Variants in PIK3CB observed in about 807,000 individuals in gnomAD.
PIK3CB encodes phosphatidylinositol-4,5-bisphosphate 3-kinase catalytic subunit beta.
PIK3CB carries 39 observed loss-of-function variants against 136.8 expected under a neutral mutation model. That is an observed-to-expected ratio of 0.29 (90% CI 0.22 to 0.37). The LOEUF is 0.37. Ranked by LOEUF, PIK3CB falls within the 10% of genes least tolerant of loss-of-function variation. The pLI, the probability that PIK3CB is intolerant of heterozygous loss-of-function variation, is 1.00. For synonymous variants in PIK3CB, 428 were observed against 436.6 expected, an observed-to-expected ratio of 0.98 and a Z score of 0.25; for missense variants, 868 against 1,275.4, an observed-to-expected ratio of 0.68 and a Z score of 4.87.
intron 22 of PIK3CB, among the ~76,000 whole-genome samples, chr3:138,656,856 T>C (rs1344200870): frequency 6.6e-6 from 1 of 152,134 alleles, no homozygotes; most frequent in Non-Finnish European, 1.5e-5. Context: ...CTGCAACTTC[T>C]GCCTCCCAGG....
chr3:138,674,205 G>C (rs913908548), intron 19 of PIK3CB, among the ~76,000 whole-genome samples: 1 of 151,764 alleles, frequency 6.6e-6, no homozygotes, highest in South Asian at 2.1e-4. Flanking sequence ...TGGATTCCCA[G>C]GTCTGTGTAC....
chr3:138,660,382 G>A (rs1433772823), intron 21 of PIK3CB, among the ~76,000 whole-genome samples: 1 of 152,154 alleles, frequency 6.6e-6, no homozygotes, highest in Non-Finnish European at 1.5e-5. Context: ...TTACTTTAAA[G>A]ATACAATATA....
In PIK3CB at chr3:138,776,612, C is replaced by A. The variant is rs75842193; in HGVS notation, c.-16-17253G>T. Among the ~76,000 whole-genome samples, 569 of 152,164 alleles carry A rather than the reference C, an allele frequency of 3.7e-3. 3 individuals are homozygous for A. Among genetic ancestry groups the A allele is most frequent in the African/African-American group, 0.012 (517 of 41,506 alleles). On this transcript the variant is annotated intron_variant, in intron 2 of 23. Transcript: ENST00000674063. ...TACTCAGGAAGCTGAGGGACGATCG[C>A]CTGAGCCTGGGAGGCAGACATTGCC...
chr3:138,744,516 G>T (rs1248137010), intron 4 of PIK3CB, among the ~76,000 whole-genome samples: 1 of 151,350 alleles, frequency 6.6e-6, no homozygotes, highest in East Asian at 1.9e-4. Flanking sequence ...CTGTCTCAGG[G>T]GTGGCAGACA....
At chr3:138,791,253 T>C (rs1192562127) in intron 2 of PIK3CB, among the ~76,000 whole-genome samples, 1 of 151,432 alleles carries the variant, frequency 6.6e-6, no homozygotes, top group African/African-American at 2.4e-5. Context: ...AGCAATCCTC[T>C]AGCCTCAGTC....
chr3:138,780,579 A>C (rs978300681), intron 2 of PIK3CB, among the ~76,000 whole-genome samples: 6 of 152,302 alleles, frequency 3.9e-5, no homozygotes, highest in Middle Eastern at 3.4e-3. Flanking sequence ...CTTAAACTAT[A>C]ATTAACTTAC....
intron 1 of PIK3CB, among the ~76,000 whole-genome samples, chr3:138,820,572 C>A (rs1056796009): frequency 6.6e-6 from 1 of 152,158 alleles, no homozygotes; most frequent in Non-Finnish European, 1.5e-5. Context: ...CAGCTCACTG[C>A]AACCACTGCC....
At chr3:138,669,586 G>A (rs895834976) in intron 19 of PIK3CB, among the ~76,000 whole-genome samples, 17 of 152,262 alleles carry the variant, frequency 1.1e-4, no homozygotes, top group African/African-American at 4.1e-4. Flanking sequence ...AGGTTTATAT[G>A]TAGCCAGCCT....
intron 2 of PIK3CB, among the ~76,000 whole-genome samples, chr3:138,768,463 G>A (rs185772284): frequency 6.6e-6 from 1 of 152,330 alleles, no homozygotes; most frequent in Non-Finnish European, 1.5e-5. Flanking sequence ...GTGCCAACTG[G>A]TCCACAGGCA....
intron 1 of PIK3CB, among the ~76,000 whole-genome samples, chr3:138,819,151 A>C (rs1933454325): frequency 1.3e-5 from 2 of 152,176 alleles, no homozygotes; most frequent in Admixed American, 1.3e-4. Flanking sequence ...GATCGAGACC[A>C]TCCTGGCTAA....
intron 2 of PIK3CB, among the ~76,000 whole-genome samples, chr3:138,776,922 CA>C (rs11435742): frequency 0.011 from 647 of 57,404 alleles, 2 homozygotes; most frequent in East Asian, 0.097. Context: ...GACTCTACCT[CA>C]AAAAAAAAAA....
intron 14 of PIK3CB, among the ~76,000 whole-genome samples, chr3:138,692,189 C>T (rs113489961): frequency 6.6e-6 from 1 of 152,078 alleles, no homozygotes; most frequent in East Asian, 1.9e-4. Context: ...GCCCAAGTGC[C>T]CCAAGTGCTC....
chr3:138,695,442 GACCAA>G (rs2044115873), intron 13 of PIK3CB, among the ~76,000 whole-genome samples: 1 of 151,962 alleles, frequency 6.6e-6, no homozygotes, highest in Non-Finnish European at 1.5e-5. Flanking sequence ...TTTATTCTCC[GACCAA>G]TTAAGCTTTG....
intron 19 of PIK3CB, among the ~76,000 whole-genome samples, chr3:138,673,360 T>C (rs571917947): frequency 5.2e-4 from 79 of 152,108 alleles, no homozygotes; most frequent in African/African-American, 1.9e-3. Context: ...CACGCACAGA[T>C]TGTACTGCAG....
intron 14 of PIK3CB, among the ~76,000 whole-genome samples, chr3:138,692,704 T>C (rs1360605434): frequency 6.6e-6 from 1 of 152,180 alleles, no homozygotes; most frequent in East Asian, 1.9e-4. Context: ...GCTTAAAACA[T>C]ACACGATTTT....
chr3:138,669,548 G>A (rs2043490639), intron 19 of PIK3CB, among the ~76,000 whole-genome samples: 1 of 152,028 alleles, frequency 6.6e-6, no homozygotes, highest in Non-Finnish European at 1.5e-5. Flanking sequence ...GGTGTGCAGA[G>A]GACTGGCAAA....
rs2108645402 is a variant in PIK3CB, at chr3:138,734,778, T to C, written c.828A>G (p.Arg276=). 1 of 1,612,922 alleles carries C rather than the reference T, an allele frequency of 6.2e-7. No homozygotes were observed. Among genetic ancestry groups the C allele is most frequent in the Non-Finnish European group, 8.5e-7 (1 of 1,179,408 alleles). ...CCACAAGTATAAAATGGGGCAGGGC[T>C]CTGTTCATCACACAGTTCCGGATAT... The part of the protein sequence containing the change: ...FQYIRNCVMN[R]ALPHFILVEC... The change falls in exon 7 of 24, where the codon AGA becomes AGG. Residue 276 remains arginine (R), a synonymous_variant. Transcript: ENST00000674063.
intron 2 of PIK3CB, chr3:138,770,641 T>C (rs2045787433): frequency 6.6e-6 from 1 of 151,476 alleles, no homozygotes; most frequent in Admixed American, 6.6e-5. Context: ...ACCCAGAAGG[T>C]GGAGCTTACA....
intron 19 of PIK3CB, among the ~76,000 whole-genome samples, chr3:138,668,027 C>G (rs2043452117): frequency 6.6e-6 from 1 of 151,782 alleles, no homozygotes; most frequent in Non-Finnish European, 1.5e-5. Context: ...GAGATTGCAC[C>G]ATTGCACTCC....
Sources: allele counts gnomAD v4.1 joint callset (sites outside exome capture counted in the v4.1 genomes callset), GRCh38; gene constraint gnomAD v4.1.1; transcripts MANE v1.5; gene names NCBI Gene and HGNC (gene_info 2026-07-23, HGNC 2026-07-21).